Variants in COPZ2 observed in about 807,000 individuals in gnomAD.
COPZ2 encodes coat protein complex I subunit zeta 2, also known as coatomer subunit zeta-2.
In COPZ2, 30 loss-of-function variants were observed where a neutral mutation model predicts 33.2. The ratio of observed to expected loss-of-function variants is 0.90; its 90% CI spans 0.68 to 1.23. COPZ2 has a LOEUF of 1.23. COPZ2 is among the 50% of genes most tolerant of loss of function. The pLI, the probability that COPZ2 is intolerant of heterozygous loss-of-function variation, is 0.00. For synonymous variants in COPZ2, 89 were observed against 102.6 expected (o/e 0.87, Z 0.80); for missense variants, 263 against 262.4 (o/e 1.00, Z -0.02).
chr17:48,041,032 G>A (rs1036346963), upstream of COPZ2, among the ~76,000 whole-genome samples: 3 of 151,156 alleles, frequency 2.0e-5, no homozygotes, highest in Admixed American at 2.0e-4. Context: ...AGTGCCTGTA[G>A]TCCCAGCTAC....
At position 48,032,231 on chromosome 17, in the gene COPZ2, T is replaced by C. The variant is rs1468419621; in HGVS notation, c.419A>G (p.Lys140Arg). The change falls in exon 6 of 9, where the codon AAG (lysine) becomes AGG (arginine). Residue 140 changes from lysine to arginine, a missense_variant and splice_region_variant. Transcript: ENST00000621465. ...CAGCAACCAGCGCTTCTCCACGTTC[T>C]TCCTGAAGGTGGACACAAGCTCCTG... ...LFESLNHMLR[K>R]NVEKRWLLEN... The C allele has an allele frequency of 6.2e-7, 1 of 1,611,826 alleles. No individual in the cohort carries two copies. The highest frequency in any genetic ancestry group is 8.5e-7 in the Non-Finnish European group (1 of 1,179,132).
the COPZ2 span, among the ~76,000 whole-genome samples, chr17:48,044,403 CTTTTT>C: frequency 5.9e-5 from 6 of 101,754 alleles, no homozygotes; most frequent in Non-Finnish European, 7.7e-5. Flanking sequence ...CAATCTTTTG[CTTTTT>C]TTTTTTTTTT....
chr17:48,038,536 G>A (rs1043941786), upstream of COPZ2, among the ~76,000 whole-genome samples: 6 of 152,120 alleles, frequency 3.9e-5, no homozygotes, highest in Non-Finnish European at 5.9e-5. Flanking sequence ...TGCATTTACC[G>A]GTAAAAACAC....
At chr17:48,043,387 T>C in the COPZ2 span, 1 of 356,476 alleles carries the variant, frequency 2.8e-6, no homozygotes, top group Non-Finnish European at 3.9e-6. Flanking sequence ...TGTCCTAGGA[T>C]TTCAGCATCT....
intron 3 of COPZ2, 21 bp downstream of exon 3, chr17:48,033,842 G>C (rs2144306779): frequency 6.4e-7 from 1 of 1,571,524 alleles, no homozygotes; most frequent in African/African-American, 1.3e-5. Context: ...TAGTCTGCTG[G>C]AGGAAGAGGG....
At chr17:48,027,608 T>C (rs1299479208) in intron 8 of COPZ2, 1 of 152,074 alleles carries the variant, frequency 6.6e-6, no homozygotes, top group African/African-American at 2.4e-5. Context: ...TGAGGAAACA[T>C]GGGGAATCAG....
upstream of COPZ2, among the ~76,000 whole-genome samples, chr17:48,042,204 G>A (rs12602131): frequency 0.09 from 13,733 of 151,942 alleles, 767 homozygotes; most frequent in East Asian, 0.2. Context: ...GGTGATATTG[G>A]CTCACTGCAA....
At position 48,033,237 on chromosome 17, in the gene COPZ2, C is replaced by T. The variant is rs371433033; in HGVS notation, c.334G>A (p.Val112Met). The change falls in exon 4 of 9, where the codon GTG (valine) becomes ATG (methionine). Residue 112 changes from valine (V) to methionine (M), a missense_variant. By Grantham distance (21) the Val-to-Met change is conservative (BLOSUM62 1). Transcript: ENST00000621465. ...TCATTCTCGTAGGATGAGCCCACCACGTATAGGAAGAGGTCAATGCTGTTC... is the reference window on the plus strand; with the variant it reads ...TCATTCTCGTAGGATGAGCCCACCATGTATAGGAAGAGGTCAATGCTGTTC... The part of the protein sequence containing the change: ...YKNSIDLFLY[V>M]VGSSYENELM... 3.1e-5 allele frequency: 50 copies of T among 1,612,884 alleles called. No homozygotes were observed. The highest frequency in any genetic ancestry group is 2.7e-4 in the African/African-American group (20 of 75,020).
chr17:48,028,544 G>A lies in COPZ2; in HGVS notation c.547-34C>T. 1 of 1,597,892 alleles carries A rather than the reference G, an allele frequency of 6.3e-7. No individual in the cohort carries two copies. On this transcript the variant is annotated intron_variant, in intron 7 of 8. Coordinates refer to ENST00000621465, the MANE Select transcript of COPZ2 (RefSeq NM_016429.4). The surrounding 1 kb of genome is among the most constrained non-coding windows in gnomAD (Gnocchi z 4.5). ...AAGCAGAGTCAAGGGGTGGGGTAGGGCCAGCATGAGGGTCCTGGGTCAGGG... is the reference window on the plus strand; with the variant it reads ...AAGCAGAGTCAAGGGGTGGGGTAGGACCAGCATGAGGGTCCTGGGTCAGGG...
chr17:48,037,957 TCTC>T (rs1402661314), upstream of COPZ2: 4 of 644,992 alleles, frequency 6.2e-6, no homozygotes, highest in African/African-American at 4.2e-5. This position sits in a 1 kb window ranked among gnomAD's most constrained non-coding sequence, Gnocchi z 5.6. Flanking sequence ...TTCCCCCACT[TCTC>T]CTCTCCCTCT....
chr17:48,043,563 G>C, the COPZ2 span: 3 of 985,228 alleles, frequency 3.0e-6, no homozygotes, highest in African/African-American at 5.2e-5. Context: ...TCTGTAGGAT[G>C]GGTTTCTAGT....
chr17:48,047,050 G>T, the COPZ2 span: 1 of 152,138 alleles, frequency 6.6e-6, no homozygotes, highest in Admixed American at 6.5e-5. Flanking sequence ...AGAATTCCAT[G>T]AGTGGTTTGC....
chr17:48,042,423 C>T (rs554440394), upstream of COPZ2, among the ~76,000 whole-genome samples: 2 of 152,012 alleles, frequency 1.3e-5, no homozygotes, highest in Admixed American at 1.3e-4. Context: ...CGTGAACCAC[C>T]GCGCCTGGCC....
intron 6 of COPZ2, among the ~76,000 whole-genome samples, chr17:48,031,248 C>G (rs1209996560): frequency 6.6e-6 from 1 of 151,992 alleles, no homozygotes; most frequent in Non-Finnish European, 1.5e-5. Flanking sequence ...GTCAGGAGAT[C>G]GAGACCATCC....
chr17:48,042,236 C>T (rs1398227396), upstream of COPZ2, among the ~76,000 whole-genome samples: 2 of 151,778 alleles, frequency 1.3e-5, no homozygotes, highest in African/African-American at 4.8e-5. Context: ...CAGGTTCAGG[C>T]GATTCTCCTG....
chr17:48,036,815 G>A, intron 2 of COPZ2, 36 bp downstream of exon 2: 1 of 1,593,762 alleles, frequency 6.3e-7, no homozygotes, highest in Non-Finnish European at 8.6e-7. Context: ...CAGCTGAGTG[G>A]GAACTGTGTC....
chr17:48,041,708 C>A (rs2037063830), upstream of COPZ2, among the ~76,000 whole-genome samples: 2 of 151,966 alleles, frequency 1.3e-5, no homozygotes, highest in African/African-American at 4.8e-5. Context: ...GATTCCAGAT[C>A]ATCAGAAGTT....
At chr17:48,047,442 T>C in the COPZ2 span, 1 of 152,202 alleles carries the variant, frequency 6.6e-6, no homozygotes, top group African/African-American at 2.4e-5. Context: ...CCCCAAGTGA[T>C]GCTGGGAGTA....
upstream of COPZ2, among the ~76,000 whole-genome samples, chr17:48,040,014 C>T (rs113516794): frequency 1.6e-3 from 244 of 151,986 alleles, 1 homozygote; most frequent in African/African-American, 5.2e-3. Context: ...CCCAGCTACT[C>T]GGGAGGCTGA....
Sources: allele counts gnomAD v4.1 joint callset (sites outside exome capture counted in the v4.1 genomes callset), GRCh38; gene constraint gnomAD v4.1.1; non-coding constraint Gnocchi (gnomAD v3.1); transcripts MANE v1.5; gene names NCBI Gene and HGNC (gene_info 2026-07-23, HGNC 2026-07-21).